PPP5C: variants seen among roughly 807,000 people sequenced by gnomAD.
The protein encoded by PPP5C is serine/threonine-protein phosphatase 5.
In PPP5C, 21 loss-of-function variants were observed where a neutral mutation model predicts 66.7. That is an observed-to-expected ratio of 0.31 (90% CI 0.22 to 0.45). The LOEUF (loss-of-function observed/expected upper bound fraction) is 0.45. Among genes scored for constraint, PPP5C ranks in the 20% least tolerant of loss-of-function variants. The pLI is 1.00. For missense variants in PPP5C, 464 were observed against 675.9 expected (o/e 0.69, Z 3.48); for synonymous variants, 246 against 257.4 (o/e 0.96, Z 0.43).
chr19:46,382,858 G>A (rs1213952661), intron 4 of PPP5C: 2 of 1,065,956 alleles, frequency 1.9e-6, no homozygotes, highest in Non-Finnish European at 2.3e-6. Context: ...CATTGTCAAG[G>A]TCATATCCAA....
At chr19:46,381,354 G>C (rs1372143852) in intron 4 of PPP5C, among the ~76,000 whole-genome samples, 1 of 152,124 alleles carries the variant, frequency 6.6e-6, no homozygotes, top group Non-Finnish European at 1.5e-5. Flanking sequence ...AGTCTGCTCT[G>C]TTACCAGTTC....
chr19:46,347,141 C>T lies in PPP5C; in HGVS notation c.45C>T (p.Pro15=), dbSNP rs946853359. 6.2e-7 allele frequency: 1 copy of T among 1,605,076 alleles called. No individual in the cohort carries two copies. Among genetic ancestry groups the T allele is most frequent in the Non-Finnish European group, 8.5e-7 (1 of 1,176,128 alleles). The part of the protein sequence containing the change: ...EGERTECAEP[P]RDEPPADGAL... ...AGAGGACTGAGTGTGCTGAGCCCCC[C>T]CGGGACGAACCCCCGGCTGATGGAG... Residue 15 remains proline (P), a synonymous_variant, in exon 1 of 13, where the codon CCC becomes CCT. Transcript: ENST00000012443.
intron 6 of PPP5C, chr19:46,384,590 C>T (rs2302596): frequency 0.11 from 56,237 of 512,364 alleles, 3,326 homozygotes; most frequent in South Asian, 0.17. Context: ...TACTGAGGCT[C>T]AGCGGCCAAG....
In PPP5C at chr19:46,387,100, C is replaced by T. The variant is rs748639765; in HGVS notation, c.912C>T (p.His304=). Residue 304 remains histidine (H), a synonymous_variant, in exon 8 of 13, where the codon CAC becomes CAT. Coordinates refer to ENST00000012443, the MANE Select transcript of PPP5C (RefSeq NM_006247.4). ...PDHFHLLRGN[H]ETDNMNQIYG... ...TGTCCCCGTGTTGGCCAGGCAACCA[C>T]GAGACAGACAACATGAACCAGATCT... is the stretch of plus-strand genomic sequence containing the variant. 11 of 1,614,112 alleles carry T rather than the reference C, an allele frequency of 6.8e-6. No homozygotes were observed. The highest frequency in any genetic ancestry group is 5.5e-5 in the South Asian group (5 of 91,088).
chr19:46,352,002 C>T (rs1399979420), intron 1 of PPP5C, among the ~76,000 whole-genome samples: 2 of 152,198 alleles, frequency 1.3e-5, no homozygotes, highest in Admixed American at 6.5e-5. Flanking sequence ...CCCCAGGACC[C>T]GGCTTCTCCC....
At chr19:46,371,179 T>C (rs1972585513) in intron 2 of PPP5C, among the ~76,000 whole-genome samples, 1 of 152,196 alleles carries the variant, frequency 6.6e-6, no homozygotes, top group African/African-American at 2.4e-5. Flanking sequence ...GGTGCAAACC[T>C]AGGCCGGATC....
At chr19:46,385,917 G>A (rs889853633) in intron 7 of PPP5C, among the ~76,000 whole-genome samples, 1 of 151,110 alleles carries the variant, frequency 6.6e-6, no homozygotes, top group Admixed American at 6.6e-5. Flanking sequence ...GCACTCCAGC[G>A]TGGGCAACAG....
At chr19:46,371,506 C>T (rs1210860268) in intron 2 of PPP5C, among the ~76,000 whole-genome samples, 1 of 152,138 alleles carries the variant, frequency 6.6e-6, no homozygotes, top group African/African-American at 2.4e-5. Context: ...GAAACCAAGG[C>T]CCAGAGGGTA....
intron 1 of PPP5C, among the ~76,000 whole-genome samples, chr19:46,349,929 C>T (rs1045445699): frequency 3.3e-5 from 5 of 149,268 alleles, no homozygotes; most frequent in African/African-American, 1.2e-4. Context: ...TAAGTGGGGC[C>T]ACAGCGTAGG....
intron 2 of PPP5C, among the ~76,000 whole-genome samples, chr19:46,365,635 G>T (rs552187960): frequency 6.6e-6 from 1 of 152,228 alleles, no homozygotes; most frequent in African/African-American, 2.4e-5. Context: ...AGCTGAGCAA[G>T]AGTCCTTACT....
chr19:46,378,186 A>G (rs1479527306), intron 4 of PPP5C, among the ~76,000 whole-genome samples: 1 of 152,230 alleles, frequency 6.6e-6, no homozygotes, highest in Non-Finnish European at 1.5e-5. Context: ...CGTGAATTTT[A>G]ATACGTCGTA....
At chr19:46,373,134 C>T (rs1348354454) in intron 2 of PPP5C, among the ~76,000 whole-genome samples, 1 of 152,224 alleles carries the variant, frequency 6.6e-6, no homozygotes, top group Non-Finnish European at 1.5e-5. Flanking sequence ...CCCAGGAGGC[C>T]TAGTCCCAGA....
Position 46,347,202 on chromosome 19 carries a change from A to G in PPP5C, c.106A>G (p.Asn36Asp). 1 of 1,606,976 alleles carries G rather than the reference A, an allele frequency of 6.2e-7. No homozygotes were observed. Among genetic ancestry groups the G allele is most frequent in the Non-Finnish European group, 8.5e-7 (1 of 1,177,158 alleles). Residue 36 changes from asparagine to aspartate, a missense_variant, in exon 1 of 13, where the codon AAT becomes GAT. Transcript: ENST00000012443. ...GGCAGAGGAGCTCAAGACTCAGGCC[A>G]ATGACTACTTCAAAGGTGCGCCCGC... ...KRAEELKTQANDYFKAKDYEN... is the reference protein window; with the variant it reads ...KRAEELKTQADDYFKAKDYEN...
rs57181889 is a variant in PPP5C, at chr19:46,389,362, AACACACACACACACACACACACACAC to A, written c.1356-615_1356-590del. ...GGGCAAGAGTAAGACTCCATCTCAA[AACACACACACACACACACACACACAC>A]ACACACACACACACACACACACACA... On this transcript the variant is annotated intron_variant, in intron 11 of 12. Coordinates refer to ENST00000012443, the MANE Select transcript of PPP5C (RefSeq NM_006247.4). 7.4e-3 allele frequency among the ~76,000 whole-genome samples: 728 copies of A among 97,880 alleles called. 6 individuals are homozygous for A. The highest frequency in any genetic ancestry group is 0.01 in the Middle Eastern group (2 of 194). 64.2% of individuals were successfully genotyped at this position (97,880 alleles called of 152,430 possible).
chr19:46,376,398 C>T lies in PPP5C; in HGVS notation c.512-55C>T, dbSNP rs201627632. On this transcript the variant is annotated intron_variant, in intron 3 of 12. Coordinates refer to ENST00000012443, the MANE Select transcript of PPP5C (RefSeq NM_006247.4). The surrounding 1 kb of genome is among the most constrained non-coding windows in gnomAD (Gnocchi z 5.1). Reference sequence around the variant, plus strand: ...CCATCCCTGGGAGCGAGACCCCCTTCTCCCTCATAGTGGCTGTGGTCACTG... The same window carrying T: ...CCATCCCTGGGAGCGAGACCCCCTTTTCCCTCATAGTGGCTGTGGTCACTG... 182 of 1,597,430 alleles carry T rather than the reference C, an allele frequency of 1.1e-4. No homozygotes were observed. The highest frequency in any genetic ancestry group is 1.5e-4 in the Non-Finnish European group (170 of 1,169,786).
At chr19:46,360,433 T>G (rs946588237) in intron 2 of PPP5C, among the ~76,000 whole-genome samples, 2 of 152,160 alleles carry the variant, frequency 1.3e-5, no homozygotes, top group African/African-American at 4.8e-5. Context: ...CAGAAGTTAG[T>G]TCGAGGTCAA....
At chr19:46,378,345 A>T (rs1972732248) in intron 4 of PPP5C, among the ~76,000 whole-genome samples, 1 of 152,216 alleles carries the variant, frequency 6.6e-6, no homozygotes, top group Non-Finnish European at 1.5e-5. Flanking sequence ...TTGGTCAGAC[A>T]ACACACTCTG....
intron 2 of PPP5C, among the ~76,000 whole-genome samples, chr19:46,373,651 G>C (rs181911108): frequency 2.9e-4 from 44 of 152,260 alleles, no homozygotes; most frequent in South Asian, 2.7e-3. Context: ...TTGGAGAAAG[G>C]GGGGAAGGGA....
intron 6 of PPP5C, chr19:46,384,084 C>T: frequency 6.9e-6 from 4 of 578,676 alleles, no homozygotes; most frequent in Non-Finnish European, 1.2e-5. Flanking sequence ...TGGGCCAGCA[C>T]CCACCTGCTG....
Sources: allele counts gnomAD v4.1 joint callset (sites outside exome capture counted in the v4.1 genomes callset), GRCh38; gene constraint gnomAD v4.1.1; non-coding constraint Gnocchi (gnomAD v3.1); transcripts MANE v1.5; gene names NCBI Gene and HGNC (gene_info 2026-07-23, HGNC 2026-07-21).